The following FAM83B variants were observed in gnomAD, a reference collection of about 807,000 sequenced individuals.
The protein encoded by FAM83B is scaffolding CK1 anchoring protein B, also known as protein FAM83B.
A neutral mutation model predicts 38.8 loss-of-function variants in FAM83B; 26 were observed. The observed-to-expected ratio is 0.67, with a 90% CI of 0.49 to 0.93. The LOEUF is 0.93. FAM83B is among the 40% of genes least tolerant of loss of function. The probability of loss-of-function intolerance (pLI) is 0.00; values close to 1 mark genes in which losing one functional copy is unlikely to be tolerated. For missense variants in FAM83B, 1,237 were observed against 1,197.3 expected (o/e 1.03, Z -0.49); for synonymous variants, 419 against 423.1 (o/e 0.99, Z 0.12).
At chr6:54,887,378 A>G (rs568530955) in intron 2 of FAM83B, among the ~76,000 whole-genome samples, 1 of 152,320 alleles carries the variant, frequency 6.6e-6, no homozygotes, top group South Asian at 2.1e-4. Flanking sequence ...GAGAAAGCAC[A>G]GTTTGGAACA....
At chr6:54,882,396 C>G (rs1772153252) in intron 2 of FAM83B, among the ~76,000 whole-genome samples, 4 of 152,146 alleles carry the variant, frequency 2.6e-5, no homozygotes, top group Admixed American at 2.6e-4. Flanking sequence ...AACGTAGATA[C>G]CTTTATTGCC....
intron 2 of FAM83B, among the ~76,000 whole-genome samples, chr6:54,923,866 CTT>C (rs71547979): frequency 1.6e-4 from 23 of 142,402 alleles, no homozygotes; most frequent in African/African-American, 1.8e-4. Context: ...TTTCTTTTTT[CTT>C]TTTTTTTTTT....
intron 2 of FAM83B, among the ~76,000 whole-genome samples, chr6:54,925,568 T>G (rs1773269875): frequency 6.6e-6 from 1 of 152,196 alleles, no homozygotes. Context: ...TTTAATTCAC[T>G]TTTTTCTTTT....
chr6:54,849,379 G>A (rs1208911172), intron 1 of FAM83B, among the ~76,000 whole-genome samples: 1 of 152,116 alleles, frequency 6.6e-6, no homozygotes, highest in Non-Finnish European at 1.5e-5. Context: ...GGGCTCCTGA[G>A]ACAAGAGCTG....
intron 2 of FAM83B, among the ~76,000 whole-genome samples, chr6:54,871,790 A>T (rs1007577717): frequency 6.7e-6 from 1 of 149,908 alleles, no homozygotes; most frequent in Non-Finnish European, 1.5e-5. Context: ...AAAAAGTTAC[A>T]ATTTTTAATT....
At chr6:54,853,036 A>G (rs949409274) in intron 1 of FAM83B, among the ~76,000 whole-genome samples, 7 of 152,156 alleles carry the variant, frequency 4.6e-5, no homozygotes, top group African/African-American at 1.7e-4. Flanking sequence ...CCAAAAGATT[A>G]GACACCCCTG....
chr6:54,885,829 AG>A (rs1255778918), intron 2 of FAM83B, among the ~76,000 whole-genome samples: 1 of 94,704 alleles, frequency 1.1e-5, no homozygotes, highest in Admixed American at 1.1e-4. Flanking sequence ...GGACAGGGGG[AG>A]GGGGGAGGGA....
intron 2 of FAM83B, among the ~76,000 whole-genome samples, chr6:54,905,214 C>T (rs1217668837): frequency 1.3e-5 from 2 of 152,140 alleles, no homozygotes; most frequent in Non-Finnish European, 1.5e-5. Flanking sequence ...TTGGCCCCTG[C>T]TGTTCTGGGA....
intron 2 of FAM83B, among the ~76,000 whole-genome samples, chr6:54,887,105 G>A (rs987820331): frequency 1.3e-5 from 2 of 152,092 alleles, no homozygotes; most frequent in Non-Finnish European, 2.9e-5. Context: ...TATGTTTTAT[G>A]ATTCAGCCTG....
intron 2 of FAM83B, among the ~76,000 whole-genome samples, chr6:54,902,826 C>G (rs1325744029): frequency 6.6e-6 from 1 of 152,184 alleles, no homozygotes; most frequent in Admixed American, 6.5e-5. Context: ...CTTGCTCTCT[C>G]TCTGTGTACA....
In FAM83B at chr6:54,940,862, C is replaced by G; in HGVS notation, c.1891C>G (p.His631Asp). The G allele has an allele frequency of 6.2e-7, 1 of 1,613,914 alleles. No individual in the cohort carries two copies. The highest frequency in any genetic ancestry group is 8.5e-7 in the Non-Finnish European group (1 of 1,179,942). Residue 631 changes from histidine to aspartate, a missense_variant, in exon 5 of 5, where the codon CAT becomes GAT. Transcript: ENST00000306858. ...SVALNQTTNG[H>D]TESNNYIYKT... ...AGCCTTAAACCAAACTACAAATGGC[C>G]ATACTGAATCAAATAACTATATATA...
intron 4 of FAM83B, among the ~76,000 whole-genome samples, chr6:54,932,367 A>G (rs1409043811): frequency 6.6e-6 from 1 of 152,148 alleles, no homozygotes; most frequent in African/African-American, 2.4e-5. Context: ...AACTTCAATC[A>G]CATATGAAAA....
intron 2 of FAM83B, among the ~76,000 whole-genome samples, chr6:54,886,004 G>A (rs1212922982): frequency 6.6e-6 from 1 of 151,606 alleles, no homozygotes. Context: ...GTCATATATA[G>A]GAAGTTCTAT....
intron 2 of FAM83B, among the ~76,000 whole-genome samples, chr6:54,913,680 A>G (rs1772969502): frequency 6.6e-6 from 1 of 152,044 alleles, no homozygotes; most frequent in Non-Finnish European, 1.5e-5. Context: ...GAAGAGGAAT[A>G]AGATAGAGTA....
chr6:54,909,449 A>C (rs239824), intron 2 of FAM83B, among the ~76,000 whole-genome samples: 30,348 of 152,114 alleles, frequency 0.2, 3,454 homozygotes, highest in African/African-American at 0.31. Flanking sequence ...ACCTAATACC[A>C]TGAGAGATTT....
intron 1 of FAM83B, among the ~76,000 whole-genome samples, chr6:54,862,314 G>T (rs764181559): frequency 6.6e-6 from 1 of 152,176 alleles, no homozygotes; most frequent in Non-Finnish European, 1.5e-5. Context: ...GTCACAGGAG[G>T]AGGGGAACAA....
At chr6:54,895,541 TTA>T (rs750885595) in intron 2 of FAM83B, among the ~76,000 whole-genome samples, 106 of 152,334 alleles carry the variant, frequency 7.0e-4, no homozygotes, top group Admixed American at 1.2e-3. Context: ...TCAAACTCAG[TTA>T]TTGCACCACA....
At chr6:54,914,823 C>T (rs933217589) in intron 2 of FAM83B, among the ~76,000 whole-genome samples, 2 of 152,128 alleles carry the variant, frequency 1.3e-5, no homozygotes, top group African/African-American at 2.4e-5. Context: ...AACTTTACCT[C>T]CCCAGTCATG....
Position 54,870,356 on chromosome 6 carries a change from A to C in FAM83B, c.110A>C (p.Glu37Ala), listed in dbSNP as rs1771816390. ...CGAGTAGCCATTGATATTCTGATTGAACACGGGTTAGAAGCATACCAAGAA... is the reference window on the plus strand; with the variant it reads ...CGAGTAGCCATTGATATTCTGATTGCACACGGGTTAGAAGCATACCAAGAA... ...WYRVAIDILI[E>A]HGLEAYQEFL... Residue 37 changes from glutamate to alanine, a missense_variant, in exon 2 of 5, where the codon GAA becomes GCA. By Grantham distance (107) the Glu-to-Ala change is moderately radical. Transcript: ENST00000306858. 6.2e-7 allele frequency: 1 copy of C among 1,614,080 alleles called. No individual in the cohort carries two copies. Among genetic ancestry groups the C allele is most frequent in the South Asian group, 1.1e-5 (1 of 91,084 alleles).
Sources: allele counts gnomAD v4.1 joint callset (sites outside exome capture counted in the v4.1 genomes callset), GRCh38; gene constraint gnomAD v4.1.1; transcripts MANE v1.5; gene names NCBI Gene and HGNC (gene_info 2026-07-23, HGNC 2026-07-21).